Variants in RIMKLB observed in about 807,000 individuals in gnomAD.
RIMKLB encodes beta-citrylglutamate synthase B.
RIMKLB carries 7 observed loss-of-function variants against 32.0 expected under a neutral mutation model. The ratio of observed to expected loss-of-function variants is 0.22; its 90% CI spans 0.12 to 0.41. The LOEUF is 0.41. Among genes scored for constraint, RIMKLB ranks in the 10% least tolerant of loss-of-function variants. The pLI is 1.00. For missense variants in RIMKLB, 289 were observed against 498.7 expected, an observed-to-expected ratio of 0.58 and a Z score of 4.00; for synonymous variants, 172 against 185.1, an observed-to-expected ratio of 0.93 and a Z score of 0.57.
intron 2 of RIMKLB, among the ~76,000 whole-genome samples, chr12:8,724,614 C>T (rs1312288278): frequency 6.6e-6 from 1 of 152,156 alleles, no homozygotes; most frequent in East Asian, 1.9e-4. Flanking sequence ...CTTGGGTCTG[C>T]AGCACTGGGC....
At chr12:8,712,850 C>T (rs1338379033) in intron 1 of RIMKLB, among the ~76,000 whole-genome samples, 2 of 152,086 alleles carry the variant, frequency 1.3e-5, no homozygotes, top group Admixed American at 1.3e-4. Flanking sequence ...CAGGACCTTT[C>T]CTTTTGTGTT....
intron 1 of RIMKLB, among the ~76,000 whole-genome samples, chr12:8,712,724 G>A (rs998101950): frequency 2.6e-5 from 4 of 152,214 alleles, no homozygotes; most frequent in African/African-American, 7.2e-5. Flanking sequence ...GTTTCAAACC[G>A]TGTGCACTGT....
intron 2 of RIMKLB, among the ~76,000 whole-genome samples, chr12:8,723,804 CTTTTTTTTTTTTTT>C (rs35269536): frequency 1.3e-5 from 1 of 75,520 alleles, no homozygotes; most frequent in Admixed American, 2.0e-4. Flanking sequence ...CTTCAGTTCC[CTTTTTTTTTTTTTT>C]TTTTTTTTTT....
At chr12:8,766,771 G>T (rs187001059) in intron 5 of RIMKLB, among the ~76,000 whole-genome samples, 14 of 152,298 alleles carry the variant, frequency 9.2e-5, no homozygotes, top group African/African-American at 3.1e-4. Context: ...TCCCCTGTTA[G>T]GAAATCTGCT....
upstream of RIMKLB, among the ~76,000 whole-genome samples, chr12:8,695,997 A>G (rs1942877590): frequency 6.6e-6 from 1 of 152,184 alleles, no homozygotes; most frequent in Non-Finnish European, 1.5e-5. Flanking sequence ...CCTGCCCTGA[A>G]TAACAACTTT....
intron 1 of RIMKLB, among the ~76,000 whole-genome samples, chr12:8,709,831 TA>T (rs1944212567): frequency 6.6e-6 from 1 of 152,238 alleles, no homozygotes; most frequent in Non-Finnish European, 1.5e-5. Context: ...CTGTGCCTAA[TA>T]TGCAAATTAT....
chr12:8,677,699 T>G (rs1942351513), upstream of RIMKLB, among the ~76,000 whole-genome samples: 1 of 151,888 alleles, frequency 6.6e-6, no homozygotes, highest in African/African-American at 2.4e-5. Context: ...CATAATATTT[T>G]TATGTTGTGT....
At chr12:8,718,323 G>A (rs1410916910) in intron 2 of RIMKLB, among the ~76,000 whole-genome samples, 3 of 152,084 alleles carry the variant, frequency 2.0e-5, no homozygotes, top group African/African-American at 4.8e-5. Context: ...CTTGTTCTTT[G>A]GGGTGAAGGT....
At chr12:8,687,560 T>C (rs1269721292) in intron 1 of RIMKLB, among the ~76,000 whole-genome samples, 4 of 152,226 alleles carry the variant, frequency 2.6e-5, no homozygotes, top group Non-Finnish European at 5.9e-5. Context: ...CTCTGCTCTC[T>C]CGTCTTTCCT....
the RIMKLB span, among the ~76,000 whole-genome samples, chr12:8,673,843 C>A: frequency 6.6e-6 from 1 of 151,880 alleles, no homozygotes. Flanking sequence ...GTGATCCGCC[C>A]GCTTTGGCCT....
Position 8,740,490 on chromosome 12 carries a change from C to T in RIMKLB, c.176-9372C>T, listed in dbSNP as rs137985254. Among the ~76,000 whole-genome samples the T allele has an allele frequency of 1.8e-4, 28 of 152,210 alleles. No individual in the cohort carries two copies. The East Asian group carries it at 5.4e-3, about 29-fold the overall frequency. On this transcript the variant is annotated intron_variant, in intron 2 of 5. Coordinates refer to ENST00000535829, the MANE Select transcript of RIMKLB (RefSeq NM_001297776.2). Reference sequence around the variant, plus strand: ...AGTGTGTAGTCTTTTATCCCTCACCCCCTCCCACTCTTCTCCCTGAGTCCC... The same window carrying T: ...AGTGTGTAGTCTTTTATCCCTCACCTCCTCCCACTCTTCTCCCTGAGTCCC...
At chr12:8,722,179 A>C (rs1945509602) in intron 2 of RIMKLB, among the ~76,000 whole-genome samples, 1 of 151,766 alleles carries the variant, frequency 6.6e-6, no homozygotes, top group African/African-American at 2.4e-5. Context: ...ATAAGATTTG[A>C]AAGTAGAAAT....
chr12:8,698,986 A>G (rs1322179642), intron 1 of RIMKLB, among the ~76,000 whole-genome samples: 1 of 151,896 alleles, frequency 6.6e-6, no homozygotes, highest in Admixed American at 6.5e-5. Flanking sequence ...CCAGAGTGGT[A>G]ATAATTTCAA....
chr12:8,733,334 C>A (rs1017747730), intron 2 of RIMKLB, among the ~76,000 whole-genome samples: 9 of 150,428 alleles, frequency 6.0e-5, no homozygotes, highest in African/African-American at 2.2e-4. Flanking sequence ...CATTTTAAAA[C>A]CTTTGCTCAG....
intron 2 of RIMKLB, among the ~76,000 whole-genome samples, chr12:8,741,934 GT>G (rs776691896): frequency 6.8e-6 from 1 of 147,830 alleles, no homozygotes; most frequent in African/African-American, 2.5e-5. Context: ...TTTTTTTTTT[GT>G]TTTTTTTGAG....
At chr12:8,675,312 T>C in the RIMKLB span, among the ~76,000 whole-genome samples, 4 of 152,380 alleles carry the variant, frequency 2.6e-5, no homozygotes, top group South Asian at 8.3e-4. Context: ...TCTTGACATC[T>C]ATAATATCAC....
chr12:8,704,618 G>A (rs915897984), intron 1 of RIMKLB, among the ~76,000 whole-genome samples: 1 of 152,176 alleles, frequency 6.6e-6, no homozygotes, highest in Non-Finnish European at 1.5e-5. Context: ...TGGCTTGGGT[G>A]CAAATGTTAG....
chr12:8,687,055 A>G (rs1942598627), intron 1 of RIMKLB, among the ~76,000 whole-genome samples: 1 of 152,224 alleles, frequency 6.6e-6, no homozygotes, highest in Admixed American at 6.5e-5. Flanking sequence ...ATCTCATTAA[A>G]TGCAGGCTTT....
At chr12:8,770,596 G>C (rs927731115) in intron 5 of RIMKLB, among the ~76,000 whole-genome samples, 1 of 152,114 alleles carries the variant, frequency 6.6e-6, no homozygotes, top group South Asian at 2.1e-4. Flanking sequence ...TTTTCCTGGT[G>C]GGCTATCAGA....
Sources: gnomAD v4.1 joint callset for allele counts (sites outside exome capture counted in the v4.1 genomes callset) on GRCh38, gnomAD v4.1.1 for gene constraint, MANE v1.5 for transcripts, NCBI Gene and HGNC (gene_info 2026-07-23, HGNC 2026-07-21) for gene names.